MTRF1: variants seen among roughly 807,000 people sequenced by gnomAD.
MTRF1 encodes the protein peptide chain release factor 1, mitochondrial.
A neutral mutation model predicts 62.9 loss-of-function variants in MTRF1; 51 were observed. The ratio of observed to expected loss-of-function variants is 0.81; its 90% CI spans 0.65 to 1.02. The LOEUF (loss-of-function observed/expected upper bound fraction) is 1.02, where lower values mean the gene tolerates loss of function less well. MTRF1 is among the 50% of genes least tolerant of loss of function. The probability of loss-of-function intolerance (pLI) is 0.00; values close to 1 mark genes in which losing one functional copy is unlikely to be tolerated. For missense variants in MTRF1, 446 were observed against 530.0 expected (o/e 0.84, Z 1.56); for synonymous variants, 158 against 181.9 (o/e 0.87, Z 1.06).
chr13:41,303,111 T>C, the MTRF1 span, among the ~76,000 whole-genome samples: 2 of 152,042 alleles, frequency 1.3e-5, no homozygotes, highest in South Asian at 4.1e-4. Flanking sequence ...TTTTGATTTA[T>C]TTTTATTTTA....
In MTRF1 at chr13:41,260,495, T is replaced by C. The variant is rs1347329507; in HGVS notation, c.413A>G (p.Lys138Arg). The C allele has an allele frequency of 3.1e-6, 5 of 1,611,202 alleles. No individual in the cohort carries two copies. The highest frequency in any genetic ancestry group is 4.2e-6 in the Non-Finnish European group (5 of 1,178,148). Residue 138 changes from lysine to arginine, a missense_variant and splice_region_variant, in exon 2 of 10, where the codon AAA (lysine) becomes AGA (arginine). Lys to Arg is a conservative substitution (Grantham distance 26). Transcript: ENST00000379480. Reference protein sequence around the residue: ...QAIEELESMCKSLNKQDEKQL... With the variant: ...QAIEELESMCRSLNKQDEKQL... ...ACACATAAGTATCTTTTACCTACTT[T>C]TACACATTGATTCTAATTCTTCAAT...
the MTRF1 span, among the ~76,000 whole-genome samples, chr13:41,269,114 AC>A: frequency 1.5e-4 from 23 of 148,800 alleles, no homozygotes; most frequent in Non-Finnish European, 2.2e-4. Context: ...AAGCTTTCTT[AC>A]CAAAAACAAA....
the MTRF1 span, chr13:41,311,528 G>A: frequency 6.2e-7 from 1 of 1,603,268 alleles, no homozygotes; most frequent in Non-Finnish European, 8.5e-7. Flanking sequence ...TGCCGGCCAC[G>A]ATGCCGAACG....
chr13:41,278,990 A>T, the MTRF1 span, among the ~76,000 whole-genome samples: 1 of 151,824 alleles, frequency 6.6e-6, no homozygotes. Flanking sequence ...ATTTTATTTT[A>T]TTTTTTATTT....
At chr13:41,269,545 C>T in the MTRF1 span, among the ~76,000 whole-genome samples, 1 of 104,488 alleles carries the variant, frequency 9.6e-6, no homozygotes, top group African/African-American at 3.3e-5. Flanking sequence ...TTCAATTAGA[C>T]AAAAATTGTT....
chr13:41,230,146 G>GAAAAGAATTTGTA (rs2035265950), intron 7 of MTRF1, among the ~76,000 whole-genome samples: 1 of 151,880 alleles, frequency 6.6e-6, no homozygotes, highest in Non-Finnish European at 1.5e-5. Context: ...GGAAAAAATG[G>GAAAAGAATTTGTA]CATATTTTTA....
At chr13:41,261,820 G>A in intron 1 of MTRF1, 1 of 984,540 alleles carries the variant, frequency 1.0e-6, no homozygotes, top group Non-Finnish European at 1.2e-6. Flanking sequence ...CCGTTTAGCT[G>A]AGATCCTAAA....
chr13:41,284,006 A>G, the MTRF1 span, among the ~76,000 whole-genome samples: 1 of 147,524 alleles, frequency 6.8e-6, no homozygotes, highest in Non-Finnish European at 1.5e-5. Context: ...GTCCATCCCC[A>G]TAACACAATC....
At chr13:41,298,056 A>G in the MTRF1 span, among the ~76,000 whole-genome samples, 2 of 152,180 alleles carry the variant, frequency 1.3e-5, no homozygotes, top group Admixed American at 6.5e-5. Flanking sequence ...AGCTGTGAAT[A>G]TTATATAATC....
At chr13:41,273,295 C>G in the MTRF1 span, among the ~76,000 whole-genome samples, 1 of 149,934 alleles carries the variant, frequency 6.7e-6, no homozygotes, top group Non-Finnish European at 1.5e-5. Context: ...CACTGCACTC[C>G]AGCCTGGGCT....
In MTRF1 at chr13:41,233,914, C is replaced by T. The variant is rs752268984; in HGVS notation, c.964G>A (p.Val322Ile). Residue 322 changes from valine to isoleucine, a missense_variant, in exon 7 of 10, where the codon GTC becomes ATC. Val to Ile is a conservative substitution (Grantham distance 29, BLOSUM62 3). Transcript: ENST00000379480. ...CCTGTGGGGATGTGGACAAGTCTGACGGCACTATCAGTTTTATTAACATGC... is the reference window on the plus strand; with the variant it reads ...CCTGTGGGGATGTGGACAAGTCTGATGGCACTATCAGTTTTATTAACATGC... The part of the protein sequence containing the change: ...GQHVNKTDSA[V>I]RLVHIPTGLV... 19 of 1,613,782 alleles carry T rather than the reference C, an allele frequency of 1.2e-5. No individual in the cohort carries two copies. The highest frequency in any genetic ancestry group is 1.4e-5 in the Non-Finnish European group (17 of 1,179,800).
chr13:41,273,187 G>A, the MTRF1 span, among the ~76,000 whole-genome samples: 12 of 152,178 alleles, frequency 7.9e-5, no homozygotes, highest in Middle Eastern at 3.4e-3. Context: ...TTAGCTGGGC[G>A]TGGTGGTGGG....
chr13:41,294,742 T>C, the MTRF1 span, among the ~76,000 whole-genome samples: 1 of 152,180 alleles, frequency 6.6e-6, no homozygotes, highest in Non-Finnish European at 1.5e-5. Context: ...ATGGTACATA[T>C]TGTCAGAGTA....
the MTRF1 span, among the ~76,000 whole-genome samples, chr13:41,279,879 C>T: frequency 6.6e-6 from 1 of 152,170 alleles, no homozygotes; most frequent in South Asian, 2.1e-4. Context: ...TCTGCTCTCT[C>T]TCTGAGGACT....
At chr13:41,267,568 A>G (rs1453863588), upstream of MTRF1, among the ~76,000 whole-genome samples, 3 of 152,110 alleles carry the variant, frequency 2.0e-5, no homozygotes, top group Non-Finnish European at 4.4e-5. Context: ...AACTTTTCTA[A>G]AGTAAAAAAG....
intron 8 of MTRF1, among the ~76,000 whole-genome samples, chr13:41,224,784 C>T (rs56171285): frequency 0.046 from 6,934 of 152,262 alleles, 235 homozygotes; most frequent in Middle Eastern, 0.092. Context: ...CCTTAGAAAT[C>T]CCTATTAAAA....
In MTRF1 at chr13:41,259,712, A is replaced by AAAAAAAAAAAAC. The variant is rs1555268029; in HGVS notation, c.415+780_415+781insGTTTTTTTTTTT. 1.9e-3 allele frequency among the ~76,000 whole-genome samples: 254 copies of AAAAAAAAAAAAC among 136,732 alleles called. 3 individuals carry two copies. Among genetic ancestry groups the AAAAAAAAAAAAC allele is most frequent in the African/African-American group, 6.7e-3 (242 of 36,146 alleles). The allele number at this position is 136,732 out of a possible 152,430, so 89.7% of individuals were successfully genotyped here. On this transcript the variant is annotated intron_variant, in intron 2 of 9. Transcript: ENST00000379480. The stretch of plus-strand genomic sequence containing the variant: ...GCGAGACTCCGTCTCAAAAAAAAAA[A>AAAAAAAAAAAAC]AAAAAAAAACATAAAAATAAAAAAT...
Position 41,260,871 on chromosome 13 carries a change from G to T in MTRF1, c.37C>A (p.Pro13Thr), listed in dbSNP as rs565110689. The change falls in exon 2 of 10, where the codon CCA becomes ACA. Residue 13 changes from proline (P) to threonine (T), a missense_variant. By Grantham distance (38) the Pro-to-Thr change is conservative. Coordinates refer to ENST00000379480, the MANE Select transcript of MTRF1 (RefSeq NM_004294.4). The part of the protein sequence containing the change: ...RHLCVWLFRH[P>T]SLNGYLQCHI... ...CACTGGAGGTAACCATTAAGAGATG[G>T]ATGTCTAAAAAGCCAAACACACAGG... 3 of 1,609,936 alleles carry T rather than the reference G, an allele frequency of 1.9e-6. No individual in the cohort carries two copies. The African/African-American group carries it at 4.0e-5, about 21-fold the overall frequency.
chr13:41,226,327 A>G (rs1162639678), intron 8 of MTRF1, 105 bp downstream of exon 8: 8 of 1,164,532 alleles, frequency 6.9e-6, no homozygotes, highest in East Asian at 2.4e-5. Flanking sequence ...ACATTTCTCT[A>G]TGCTCTAAAA....
Sources: gnomAD v4.1 joint callset for allele counts (sites outside exome capture counted in the v4.1 genomes callset) on GRCh38, gnomAD v4.1.1 for gene constraint, MANE v1.5 for transcripts, NCBI Gene and HGNC (gene_info 2026-07-23, HGNC 2026-07-21) for gene names.